The following RICTOR variants were observed in gnomAD, a reference collection of about 807,000 sequenced individuals.
RICTOR encodes RPTOR independent companion of MTOR complex 2.
In RICTOR, 49 loss-of-function variants were observed where a neutral mutation model predicts 214.9. The observed-to-expected ratio is 0.23, with a 90% CI of 0.18 to 0.29. RICTOR has a LOEUF of 0.29. Among genes scored for constraint, RICTOR ranks in the 10% least tolerant of loss-of-function variants. The probability of loss-of-function intolerance (pLI) is 1.00; values close to 1 mark genes in which losing one functional copy is unlikely to be tolerated. For synonymous variants in RICTOR, 717 were observed against 711.3 expected (o/e 1.01, Z -0.13); for missense variants, 1,625 against 2,047.0 (o/e 0.79, Z 3.98).
chr5:38,966,022 G>T (rs762810795), intron 15 of RICTOR, among the ~76,000 whole-genome samples: 2 of 151,866 alleles, frequency 1.3e-5, no homozygotes, highest in Non-Finnish European at 2.9e-5. Context: ...TGATTGATTT[G>T]CTGACAGTAA....
intron 6 of RICTOR, among the ~76,000 whole-genome samples, chr5:38,994,567 A>G (rs1753037945): frequency 1.3e-5 from 2 of 152,094 alleles, no homozygotes; most frequent in South Asian, 4.1e-4. Flanking sequence ...ACCAAGGAAA[A>G]GCCCTGTGCC....
rs550486797 is a variant in RICTOR, at chr5:39,026,775, AGGTG to A, written c.98-5643_98-5640del. ...GTAATCCTAGCACTTTGGGAGGCCG[AGGTG>A]GGTGGATCACCTGAGGTCAGGAGTT... On this transcript the variant is annotated intron_variant, in intron 2 of 37. Coordinates refer to ENST00000357387, the MANE Select transcript of RICTOR (RefSeq NM_152756.5). 2.2e-4 allele frequency among the ~76,000 whole-genome samples: 34 copies of A among 152,050 alleles called. No homozygotes were observed. In the South Asian group the frequency reaches 7.1e-3, roughly 32 times the overall value.
intron 2 of RICTOR, among the ~76,000 whole-genome samples, chr5:39,042,034 A>C (rs923088869): frequency 1.7e-4 from 26 of 152,178 alleles, no homozygotes; most frequent in African/African-American, 5.5e-4. Flanking sequence ...CTGTGTTCTT[A>C]AAAAATAAGT....
chr5:38,953,569 A>AT lies in RICTOR; in HGVS notation c.2698-17_2698-16insA. 1.1e-6 allele frequency: 1 copy of AT among 882,104 alleles called. No homozygotes were observed. Among genetic ancestry groups the AT allele is most frequent in the Non-Finnish European group, 1.7e-6 (1 of 593,912 alleles). 54.6% of individuals were successfully genotyped at this position (882,104 alleles called of 1,614,324 possible). ...TAATAATATTCTGGAGAAAGAAAAA[A>AT]AAATACCATGAGTAATAATATATTT... On this transcript the variant is annotated splice_polypyrimidine_tract_variant and intron_variant, in intron 27 of 37. Coordinates refer to ENST00000357387, the MANE Select transcript of RICTOR (RefSeq NM_152756.5).
chr5:38,941,251 A>C lies in RICTOR; in HGVS notation c.*1053T>G, dbSNP rs1747537501. 4.3e-6 allele frequency: 1 copy of C among 232,618 alleles called. No individual in the cohort carries two copies. The allele number at this position is 232,618 out of a possible 1,614,324, so 14.4% of individuals were successfully genotyped here. On this transcript the variant is annotated 3_prime_UTR_variant, in exon 38 of 38. Transcript: ENST00000357387. ...AAACAAAAACACTGATATAAAAATT[A>C]AGTTACTGCTGCTTTAAAATTTGGT... is the stretch of plus-strand genomic sequence containing the variant.
chr5:39,015,841 G>A lies in RICTOR; in HGVS notation c.195+5198C>T, dbSNP rs180677439. On this transcript the variant is annotated intron_variant, in intron 3 of 37. Coordinates refer to ENST00000357387, the MANE Select transcript of RICTOR (RefSeq NM_152756.5). Reference sequence around the variant, plus strand: ...ATTACAGAGCACATATTATGTGTCAGGCACTAGACTGAGACCTTGCCTCTA... The same window carrying A: ...ATTACAGAGCACATATTATGTGTCAAGCACTAGACTGAGACCTTGCCTCTA... Among the ~76,000 whole-genome samples the A allele has an allele frequency of 5.4e-4, 82 of 152,242 alleles. No homozygotes were observed. The East Asian group carries it at 0.014, about 27-fold the overall frequency.
At position 38,953,500 on chromosome 5, in the gene RICTOR, C is replaced by A. The variant is rs2112877027; in HGVS notation, c.2751G>T (p.Trp917Cys). ...RNVRTPDLDK[W>C]EEIKKLKASL... is the part of the protein sequence containing the mutation. ...ATGCTTTCAGTTTTTTAATTTCTTC[C>A]CACTTATCCAAATCTGGTGTACGAA... is the stretch of plus-strand genomic sequence containing the variant. The change falls in exon 28 of 38, where the codon TGG becomes TGT. Residue 917 changes from tryptophan to cysteine, a missense_variant. By Grantham distance (215) the Trp-to-Cys change is radical. Transcript: ENST00000357387. 6.7e-7 allele frequency: 1 copy of A among 1,502,656 alleles called. No homozygotes were observed. Among genetic ancestry groups the A allele is most frequent in the Admixed American group, 2.1e-5 (1 of 47,838 alleles). 93.1% of individuals were successfully genotyped at this position (1,502,656 alleles called of 1,614,324 possible). A position where few individuals can be genotyped will look rare whatever the true frequency, so the allele number is the denominator to read the frequency against.
chr5:38,960,641 G>T, intron 19 of RICTOR, 108 bp from the exon 20 acceptor site: 1 of 1,103,382 alleles, frequency 9.1e-7, no homozygotes, highest in Non-Finnish European at 1.3e-6. Flanking sequence ...TTTTGGGTCT[G>T]AACCATTGGG....
rs1580018510 is a variant in RICTOR, at chr5:38,990,692, T to TGATATATCA, written c.583+256_583+257insTGATATATC. Among the ~76,000 whole-genome samples the TGATATATCA allele has an allele frequency of 6.9e-3, 239 of 34,524 alleles. 41 individuals are homozygous for TGATATATCA. Among genetic ancestry groups the TGATATATCA allele is most frequent in the African/African-American group, 0.019 (198 of 10,440 alleles). 22.6% of individuals were successfully genotyped at this position (34,524 alleles called of 152,430 possible). ...ATATATATCAGATATATCATATATA[T>TGATATATCA]GATATATATCAGATATGATATATAT... On this transcript the variant is annotated intron_variant, in intron 7 of 37. Transcript: ENST00000357387.
chr5:38,990,003 A>G (rs975929856), intron 7 of RICTOR, among the ~76,000 whole-genome samples: 1 of 152,140 alleles, frequency 6.6e-6, no homozygotes, highest in Non-Finnish European at 1.5e-5. Flanking sequence ...ATTACTGGGT[A>G]TATTTACAAC....
intron 2 of RICTOR, among the ~76,000 whole-genome samples, chr5:39,063,590 T>G (rs1401119717): frequency 6.6e-6 from 1 of 152,180 alleles, no homozygotes; most frequent in Admixed American, 6.5e-5. Flanking sequence ...TGAATTCCTC[T>G]AGCTTTTAGA....
At position 38,958,538 on chromosome 5, in the gene RICTOR, AT is replaced by A; in HGVS notation, c.2344-20del. On this transcript the variant is annotated intron_variant, in intron 23 of 37. Transcript: ENST00000357387. ...GATTGGCCTAAAAGAGATTATCATT[AT>A]TTTTTTATAATTGCACAAAAATAGC... The A allele has an allele frequency of 1.9e-6, 3 of 1,593,578 alleles. No homozygotes were observed. The highest frequency in any genetic ancestry group is 8.6e-7 in the Non-Finnish European group (1 of 1,166,594).
At chr5:39,026,507 C>G (rs530534224) in intron 2 of RICTOR, among the ~76,000 whole-genome samples, 265 of 152,244 alleles carry the variant, frequency 1.7e-3, no homozygotes, top group Non-Finnish European at 2.8e-3. Flanking sequence ...ACACGTATTC[C>G]TGATGAATCT....
At position 38,939,602 on chromosome 5, in the gene RICTOR, A is replaced by T. The variant is rs551122845; in HGVS notation, c.*2702T>A. On this transcript the variant is annotated 3_prime_UTR_variant, in exon 38 of 38. Transcript: ENST00000357387. ...GAGGCTGAAATCTGTTCTTGAAAAA[A>T]AGTTCAATTAGAAATAACAATTCAC... 3 of 231,658 alleles carry T rather than the reference A, an allele frequency of 1.3e-5. No individual in the cohort carries two copies. The South Asian group carries it at 5.4e-4, about 42-fold the overall frequency. 14.4% of individuals were successfully genotyped at this position (231,658 alleles called of 1,614,324 possible).
At chr5:39,046,968 T>G (rs1169363325) in intron 2 of RICTOR, among the ~76,000 whole-genome samples, 3 of 152,204 alleles carry the variant, frequency 2.0e-5, no homozygotes, top group Non-Finnish European at 4.4e-5. Flanking sequence ...ATTCTAAAAT[T>G]TATCTATGAT....
chr5:39,052,710 G>A (rs1757936239), intron 2 of RICTOR, among the ~76,000 whole-genome samples: 2 of 152,128 alleles, frequency 1.3e-5, no homozygotes, highest in Admixed American at 1.3e-4. Context: ...TCTTAATACT[G>A]TCAGTCTCCT....
In RICTOR at chr5:38,949,700, A is replaced by G. The variant is rs374238401; in HGVS notation, c.4136+12T>C. 5.4e-5 allele frequency: 86 copies of G among 1,606,192 alleles called. 1 individual carries two copies. The Middle Eastern group carries it at 8.3e-4, about 16-fold the overall frequency. ...ACCATTATTGGTCACTTCTAAACAT[A>G]TATTTGCTTACCTGCTTGGTGTTAA... On this transcript the variant is annotated intron_variant, in intron 31 of 37. Coordinates refer to ENST00000357387, the MANE Select transcript of RICTOR (RefSeq NM_152756.5).
chr5:39,028,019 AG>A (rs140164096), intron 2 of RICTOR, among the ~76,000 whole-genome samples: 5,926 of 152,198 alleles, frequency 0.039, 206 homozygotes, highest in African/African-American at 0.084. Context: ...AGAGGATAAG[AG>A]GCCAAAAAGT....
Position 38,959,295 on chromosome 5 carries a change from T to C in RICTOR, c.2078A>G (p.Asn693Ser). 1 of 1,577,628 alleles carries C rather than the reference T, an allele frequency of 6.3e-7. No homozygotes were observed. Among genetic ancestry groups the C allele is most frequent in the African/African-American group, 1.4e-5 (1 of 73,654 alleles). Residue 693 changes from asparagine to serine, a missense_variant, in exon 22 of 38, where the codon AAC (asparagine) becomes AGC (serine). Around this residue, in one of 5 missense-constraint regions of RICTOR, gnomAD observed 1,214 missense variants for 1,470.5 expected, o/e 0.83. Transcript: ENST00000357387. Reference sequence around the variant, plus strand: ...AGTAAGTTTTAGCAAGTGATCTTGGTTTTTCAAGGAGCAAAGATTAAGGAG... The same window carrying C: ...AGTAAGTTTTAGCAAGTGATCTTGGCTTTTCAAGGAGCAAAGATTAAGGAG... ...QCLLNLCSLKNQDHLLKLTVS... is the reference protein window; with the variant it reads ...QCLLNLCSLKSQDHLLKLTVS...
Sources: allele counts gnomAD v4.1 joint callset (sites outside exome capture counted in the v4.1 genomes callset), GRCh38; gene constraint gnomAD v4.1.1; regional missense constraint gnomAD v4.1.1; transcripts MANE v1.5; gene names NCBI Gene and HGNC (gene_info 2026-07-23, HGNC 2026-07-21).